The following PTPRG variants were observed in gnomAD, a reference collection of about 807,000 sequenced individuals.
PTPRG encodes receptor-type tyrosine-protein phosphatase gamma.
PTPRG carries 102 observed loss-of-function variants against 165.3 expected under a neutral mutation model. The ratio of observed to expected loss-of-function variants is 0.62; its 90% confidence interval spans 0.53 to 0.73. PTPRG has a LOEUF of 0.73. Ranked by LOEUF, PTPRG falls within the 30% of genes least tolerant of loss-of-function variation. The pLI is 0.00. For missense variants in PTPRG, 1,866 were observed against 1,861.4 expected (o/e 1.00, Z -0.05); for synonymous variants, 675 against 669.5 (o/e 1.01, Z -0.13).
intron 4 of PTPRG, among the ~76,000 whole-genome samples, chr3:62,076,047 G>T (rs760138496): frequency 6.6e-6 from 1 of 152,144 alleles, no homozygotes; most frequent in Non-Finnish European, 1.5e-5. Flanking sequence ...AGGCCAGGGT[G>T]GGCGGATTGC....
chr3:61,761,607 AAACC>A (rs2033837727), intron 2 of PTPRG, among the ~76,000 whole-genome samples: 2 of 151,884 alleles, frequency 1.3e-5, no homozygotes, highest in African/African-American at 4.8e-5. Context: ...ACAAACAAAC[AAACC>A]GTCATCCTGA....
At chr3:62,250,669 G>A (rs566957913) in intron 15 of PTPRG, among the ~76,000 whole-genome samples, 127 of 152,214 alleles carry the variant, frequency 8.3e-4, no homozygotes, top group Admixed American at 2.3e-3. Flanking sequence ...GTAGATTTTG[G>A]AAACAGCTTT....
intron 2 of PTPRG, among the ~76,000 whole-genome samples, chr3:61,804,120 G>A (rs1306642629): frequency 6.6e-6 from 1 of 152,204 alleles, no homozygotes; most frequent in Non-Finnish European, 1.5e-5. Flanking sequence ...CTTTCTGTAA[G>A]TAAACATCTG....
intron 2 of PTPRG, among the ~76,000 whole-genome samples, chr3:61,965,624 T>G (rs902212621): frequency 1.3e-5 from 2 of 152,084 alleles, no homozygotes; most frequent in Admixed American, 1.3e-4. Flanking sequence ...CATTCATTCA[T>G]TCATTCTTCT....
chr3:62,068,575 A>C (rs866551675), intron 4 of PTPRG, among the ~76,000 whole-genome samples: 3 of 152,152 alleles, frequency 2.0e-5, no homozygotes, highest in African/African-American at 7.2e-5. Context: ...TCCTGGGCTC[A>C]AGTGATCCTC....
intron 4 of PTPRG, among the ~76,000 whole-genome samples, chr3:62,064,610 G>T (rs1447479778): frequency 1.3e-5 from 2 of 151,678 alleles, no homozygotes; most frequent in African/African-American, 4.9e-5. Context: ...CTTTGTATAT[G>T]CAGCACTTGT....
chr3:62,089,354 A>G (rs946447743), intron 5 of PTPRG, among the ~76,000 whole-genome samples: 5 of 151,890 alleles, frequency 3.3e-5, no homozygotes, highest in Non-Finnish European at 2.9e-5. Context: ...ACTTTTTATG[A>G]TTTTCCCCAT....
intron 2 of PTPRG, among the ~76,000 whole-genome samples, chr3:61,886,461 C>G (rs1466678932): frequency 6.6e-6 from 1 of 152,094 alleles, no homozygotes; most frequent in Admixed American, 6.6e-5. Flanking sequence ...GAAATCGTTG[C>G]ACTGATCAGT....
At chr3:62,058,882 A>G (rs940365642) in intron 4 of PTPRG, among the ~76,000 whole-genome samples, 5 of 152,174 alleles carry the variant, frequency 3.3e-5, no homozygotes, top group African/African-American at 9.7e-5. Context: ...TTTCTTCCCT[A>G]AACTGCATTA....
intron 1 of PTPRG, among the ~76,000 whole-genome samples, chr3:61,729,010 C>T (rs2032379538): frequency 6.6e-6 from 1 of 151,558 alleles, no homozygotes; most frequent in Admixed American, 6.6e-5. Flanking sequence ...TGCAGTGGGC[C>T]GAGATTGCAC....
intron 2 of PTPRG, among the ~76,000 whole-genome samples, chr3:61,767,969 C>G (rs1286989014): frequency 3.8e-5 from 3 of 78,586 alleles, no homozygotes; most frequent in African/African-American, 1.7e-4. Context: ...AAGACCCTGT[C>G]TCAAAAAAAA....
intron 2 of PTPRG, among the ~76,000 whole-genome samples, chr3:61,908,192 A>G (rs944606758): frequency 3.3e-5 from 5 of 150,216 alleles, no homozygotes; most frequent in African/African-American, 1.2e-4. Context: ...TTGGGAGGCC[A>G]AGGCAGGTGG....
intron 7 of PTPRG, among the ~76,000 whole-genome samples, chr3:62,158,463 C>A (rs1225984808): frequency 2.6e-5 from 4 of 152,112 alleles, no homozygotes; most frequent in Admixed American, 6.5e-5. Flanking sequence ...TGTTCTAGTA[C>A]CAGTTGACCT....
At chr3:61,819,787 T>C (rs550505773) in intron 2 of PTPRG, among the ~76,000 whole-genome samples, 1 of 152,174 alleles carries the variant, frequency 6.6e-6, no homozygotes, top group South Asian at 2.1e-4. Context: ...CAAAAAGGGG[T>C]AAATGGAGAT....
intron 1 of PTPRG, among the ~76,000 whole-genome samples, chr3:61,620,490 G>T (rs761058144): frequency 8.6e-5 from 13 of 152,026 alleles, no homozygotes; most frequent in Non-Finnish European, 1.5e-4. Flanking sequence ...CCTGGAATCC[G>T]CCAGGAATCA....
intron 2 of PTPRG, among the ~76,000 whole-genome samples, chr3:61,960,132 A>T (rs1230912230): frequency 1.3e-5 from 2 of 151,616 alleles, no homozygotes; most frequent in African/African-American, 4.8e-5. Flanking sequence ...CACAAGCTGC[A>T]TTTACACAAG....
chr3:62,069,381 T>A (rs1160593305), intron 4 of PTPRG, among the ~76,000 whole-genome samples: 1 of 152,154 alleles, frequency 6.6e-6, no homozygotes, highest in Non-Finnish European at 1.5e-5. Context: ...TATGGATATT[T>A]TTCTGTAAGC....
At chr3:62,016,891 C>A (rs1322079242) in intron 4 of PTPRG, among the ~76,000 whole-genome samples, 1 of 152,200 alleles carries the variant, frequency 6.6e-6, no homozygotes, top group African/African-American at 2.4e-5. Flanking sequence ...GCCGTCTTAT[C>A]ATTTCATGCT....
chr3:61,870,426 C>T (rs2037533515), intron 2 of PTPRG, among the ~76,000 whole-genome samples: 1 of 146,972 alleles, frequency 6.8e-6, no homozygotes, highest in Admixed American at 6.7e-5. Flanking sequence ...AATTCTCCTG[C>T]CTCAGCCTCC....
Sources: allele counts gnomAD v4.1 joint callset (sites outside exome capture counted in the v4.1 genomes callset), GRCh38; gene constraint gnomAD v4.1.1; transcripts MANE v1.5; gene names NCBI Gene and HGNC (gene_info 2026-07-23, HGNC 2026-07-21).